The following RBFOX1 variants were observed in gnomAD, a reference collection of about 807,000 sequenced individuals.
RBFOX1 encodes the protein RNA binding protein fox-1 homolog 1.
RBFOX1 carries 8 observed loss-of-function variants against 57.7 expected under a neutral mutation model. The observed-to-expected ratio is 0.14, with a 90% CI of 0.08 to 0.25. RBFOX1 has a LOEUF of 0.25. RBFOX1 is among the 10% of genes least tolerant of loss of function. RBFOX1 has a pLI of 1.00. For missense variants in RBFOX1, 611 were observed against 548.5 expected (o/e 1.11, Z -1.14); for synonymous variants, 326 against 222.4 (o/e 1.47, Z -4.15).
In RBFOX1 at chr16:5,431,443, C is replaced by T. The variant is rs138134162; in HGVS notation, c.220-35773C>T. Among the ~76,000 whole-genome samples the T allele has an allele frequency of 1.5e-3, 229 of 152,122 alleles. 1 individual carries two copies. Among genetic ancestry groups the T allele is most frequent in the African/African-American group, 5.1e-3 (211 of 41,468 alleles). ...AGGCTGGAGTGCAGTGGCATGATCTCGGCTCACTACAACCTCCGCCTCCTG... is the reference window on the plus strand; with the variant it reads ...AGGCTGGAGTGCAGTGGCATGATCTTGGCTCACTACAACCTCCGCCTCCTG... On this transcript the variant is annotated intron_variant, in intron 1 of 2. Transcript: ENST00000585867.
In RBFOX1 at chr16:7,522,148, T is replaced by C. The variant is rs59090582; in HGVS notation, c.270+3759T>C. On this transcript the variant is annotated intron_variant, in intron 5 of 15. Coordinates refer to ENST00000550418, the MANE Select transcript of RBFOX1 (RefSeq NM_018723.4). ...ATGAAGACCATTTCATCAGAGTTCA[T>C]GATGAGATGCCTTCAGAATAAATCA... is the stretch of plus-strand genomic sequence containing the variant. 2.0e-5 allele frequency among the ~76,000 whole-genome samples: 3 copies of C among 152,302 alleles called. No individual in the cohort carries two copies. In the East Asian group the frequency reaches 5.8e-4, roughly 29 times the overall value.
chr16:7,275,880 C>G (rs186616038), intron 4 of RBFOX1, among the ~76,000 whole-genome samples: 11 of 152,176 alleles, frequency 7.2e-5, no homozygotes, highest in African/African-American at 2.7e-4. Context: ...ATCTGAGAGG[C>G]AGCCCCAGGG....
chr16:7,067,526 T>C (rs1032863712), intron 4 of RBFOX1, among the ~76,000 whole-genome samples: 1 of 151,940 alleles, frequency 6.6e-6, no homozygotes, highest in Non-Finnish European at 1.5e-5. Context: ...TGTTTTCTTT[T>C]TTTGTTTTCT....
At chr16:5,909,353 A>G (rs866556984) in intron 4 of RBFOX1, among the ~76,000 whole-genome samples, 1 of 152,074 alleles carries the variant, frequency 6.6e-6, no homozygotes, top group Non-Finnish European at 1.5e-5. Flanking sequence ...TGGCCTCCCA[A>G]AGTGCTGGGA....
At chr16:5,771,154 C>T (rs150755420) in intron 3 of RBFOX1, among the ~76,000 whole-genome samples, 110 of 152,308 alleles carry the variant, frequency 7.2e-4, no homozygotes, top group Non-Finnish European at 1.3e-3. Context: ...CAACAGAAAA[C>T]GGGAAAATGG....
At position 6,620,568 on chromosome 16, in the gene RBFOX1, T is replaced by A. The variant is rs139798587; in HGVS notation, c.-63-34035T>A. Among the ~76,000 whole-genome samples, 719 of 151,894 alleles carry A rather than the reference T, an allele frequency of 4.7e-3. 5 individuals carry two copies. The highest frequency in any genetic ancestry group is 0.017 in the African/African-American group (686 of 41,394). Reference sequence around the variant, plus strand: ...AATGAATCCGGGAGCTATTTTTTTTTAAACAACAACAATAACAACAACAAA... The same window carrying A: ...AATGAATCCGGGAGCTATTTTTTTTAAAACAACAACAATAACAACAACAAA... On this transcript the variant is annotated intron_variant, in intron 2 of 15. Coordinates refer to ENST00000550418, the MANE Select transcript of RBFOX1 (RefSeq NM_018723.4).
At chr16:6,673,185 C>G (rs912377282) in intron 3 of RBFOX1, among the ~76,000 whole-genome samples, 18 of 152,150 alleles carry the variant, frequency 1.2e-4, no homozygotes, top group Middle Eastern at 3.2e-3. Context: ...TTTATGGTCT[C>G]CATGCTCCTT....
chr16:6,870,293 T>G (rs551326919), intron 3 of RBFOX1, among the ~76,000 whole-genome samples: 1 of 152,260 alleles, frequency 6.6e-6, no homozygotes, highest in South Asian at 2.1e-4. Context: ...ATCCGTGCCT[T>G]TTTGTTTGTC....
chr16:7,452,552 G>A (rs996560805), intron 4 of RBFOX1, among the ~76,000 whole-genome samples: 21 of 152,062 alleles, frequency 1.4e-4, no homozygotes, highest in African/African-American at 4.8e-4. Flanking sequence ...TCAGATCCGG[G>A]GTCTTACCTG....
intron 4 of RBFOX1, among the ~76,000 whole-genome samples, chr16:7,310,263 A>G (rs2096278514): frequency 6.6e-6 from 1 of 152,206 alleles, no homozygotes; most frequent in African/African-American, 2.4e-5. Flanking sequence ...TGAGCCTGGC[A>G]TACGATGAGG....
intron 3 of RBFOX1, among the ~76,000 whole-genome samples, chr16:6,775,464 G>GA (rs139829829): frequency 0.2 from 30,102 of 148,858 alleles, 3,646 homozygotes; most frequent in East Asian, 0.37. Context: ...ATCCCAAAAA[G>GA]AAAAAAAAAT....
At chr16:7,007,168 T>G (rs552526268) in intron 3 of RBFOX1, among the ~76,000 whole-genome samples, 3 of 152,318 alleles carry the variant, frequency 2.0e-5, no homozygotes, top group Middle Eastern at 3.4e-3. Context: ...CAGCAAAATT[T>G]ATTTCCTTGC....
intron 3 of RBFOX1, among the ~76,000 whole-genome samples, chr16:6,782,201 T>G (rs1440331655): frequency 6.6e-6 from 1 of 152,176 alleles, no homozygotes; most frequent in Non-Finnish European, 1.5e-5. Context: ...GATACAGGGT[T>G]TCGCCATGTT....
chr16:7,535,486 G>A (rs2081264222), intron 5 of RBFOX1, among the ~76,000 whole-genome samples: 2 of 152,202 alleles, frequency 1.3e-5, no homozygotes, highest in Admixed American at 1.3e-4. Flanking sequence ...GGGCTAGATG[G>A]TGTCAGGAAG....
At chr16:7,417,672 G>A (rs758187551) in intron 4 of RBFOX1, among the ~76,000 whole-genome samples, 1 of 152,096 alleles carries the variant, frequency 6.6e-6, no homozygotes, top group Non-Finnish European at 1.5e-5. Context: ...CGTCCCTGCA[G>A]TGACCTCCCT....
intron 4 of RBFOX1, among the ~76,000 whole-genome samples, chr16:7,077,754 G>C (rs1448874461): frequency 6.6e-6 from 1 of 152,164 alleles, no homozygotes; most frequent in African/African-American, 2.4e-5. Context: ...TATTAAACTT[G>C]TCCTGTTAGC....
intron 4 of RBFOX1, among the ~76,000 whole-genome samples, chr16:5,941,706 T>C (rs1315932256): frequency 6.6e-6 from 1 of 151,080 alleles, no homozygotes; most frequent in Non-Finnish European, 1.5e-5. Flanking sequence ...TAGCCAGGAA[T>C]TATCCCATTT....
intron 4 of RBFOX1, among the ~76,000 whole-genome samples, chr16:7,231,637 C>G (rs961132584): frequency 2.6e-5 from 4 of 152,100 alleles, no homozygotes; most frequent in African/African-American, 7.2e-5. Flanking sequence ...AAAGACAACC[C>G]AAATGCCTAT....
intron 4 of RBFOX1, among the ~76,000 whole-genome samples, chr16:5,931,605 T>G (rs1177292604): frequency 2.0e-5 from 3 of 152,140 alleles, no homozygotes; most frequent in African/African-American, 7.2e-5. Context: ...GTTACAGACC[T>G]GAGATCATAT....
Sources: allele counts gnomAD v4.1 joint callset (sites outside exome capture counted in the v4.1 genomes callset), GRCh38; gene constraint gnomAD v4.1.1; transcripts MANE v1.5; gene names NCBI Gene and HGNC (gene_info 2026-07-23, HGNC 2026-07-21).